The following ADK variants were observed in gnomAD, a reference collection of about 807,000 sequenced individuals.
The protein encoded by ADK is N6,N6-dimethyladenosine kinase.
A neutral mutation model predicts 44.7 loss-of-function variants in ADK; 24 were observed. The ratio of observed to expected loss-of-function variants is 0.54; its 90% confidence interval spans 0.39 to 0.76. The LOEUF (loss-of-function observed/expected upper bound fraction) is 0.76. ADK is among the 30% of genes least tolerant of loss of function. The pLI is 0.00. For missense variants in ADK, 321 were observed against 425.1 expected, an observed-to-expected ratio of 0.76 and a Z score of 2.15; for synonymous variants, 128 against 142.6, an observed-to-expected ratio of 0.90 and a Z score of 0.73.
chr10:74,661,537 A>G (rs1022256414), intron 9 of ADK, among the ~76,000 whole-genome samples: 1 of 152,144 alleles, frequency 6.6e-6, no homozygotes, highest in African/African-American at 2.4e-5. Context: ...GTTGCATTCC[A>G]TTGCCTGATG....
chr10:74,587,486 A>G (rs970140590), intron 7 of ADK, among the ~76,000 whole-genome samples: 1 of 152,194 alleles, frequency 6.6e-6, no homozygotes, highest in Middle Eastern at 3.2e-3. Flanking sequence ...ATGGTTCTCT[A>G]ACCTATATGT....
At chr10:74,223,915 C>G (rs10824118) in intron 2 of ADK, among the ~76,000 whole-genome samples, 18,460 of 152,016 alleles carry the variant, frequency 0.12, 1,152 homozygotes, top group Middle Eastern at 0.21. Flanking sequence ...ATGTTAAAAC[C>G]CCTTCTCTAC....
chr10:74,226,181 C>T (rs543938032), intron 3 of ADK, among the ~76,000 whole-genome samples: 1 of 152,076 alleles, frequency 6.6e-6, no homozygotes, highest in South Asian at 2.1e-4. Context: ...GATCTTGGCT[C>T]ACTGCAACCT....
At chr10:74,345,538 C>A (rs904429060) in intron 4 of ADK, among the ~76,000 whole-genome samples, 6 of 152,156 alleles carry the variant, frequency 3.9e-5, no homozygotes, top group African/African-American at 1.4e-4. Flanking sequence ...GAACTCCTGG[C>A]TCAAAGTGAA....
intron 6 of ADK, among the ~76,000 whole-genome samples, chr10:74,515,855 C>A (rs1478939072): frequency 1.3e-5 from 2 of 152,070 alleles, no homozygotes; most frequent in Non-Finnish European, 2.9e-5. Context: ...TCTTGCTGTG[C>A]AAGACCAGAA....
intron 7 of ADK, among the ~76,000 whole-genome samples, chr10:74,534,211 A>G (rs191599020): frequency 6.6e-6 from 1 of 152,202 alleles, no homozygotes; most frequent in African/African-American, 2.4e-5. Flanking sequence ...TACTTTATAC[A>G]TACGTCAAGT....
chr10:74,562,488 C>T (rs1850499280), intron 7 of ADK, among the ~76,000 whole-genome samples: 1 of 152,164 alleles, frequency 6.6e-6, no homozygotes, highest in South Asian at 2.1e-4. Flanking sequence ...TAGCAGTTTA[C>T]ATATTTCCTT....
intron 9 of ADK, chr10:74,656,174 C>T: frequency 3.6e-6 from 1 of 275,756 alleles, no homozygotes; most frequent in Admixed American, 3.9e-5. Flanking sequence ...GCTGTCTGCT[C>T]CAGACATTTT....
chr10:74,170,020 A>T (rs1842117956), intron 1 of ADK, among the ~76,000 whole-genome samples: 1 of 152,208 alleles, frequency 6.6e-6, no homozygotes, highest in Non-Finnish European at 1.5e-5. Flanking sequence ...CAGGCCCCTG[A>T]CCTTTACATG....
Position 74,324,453 on chromosome 10 carries a change from T to G in ADK, c.273+9708T>G, listed in dbSNP as rs940152575. 1.1e-4 allele frequency among the ~76,000 whole-genome samples: 17 copies of G among 152,232 alleles called. 1 individual carries two copies. Among genetic ancestry groups the G allele is most frequent in the Admixed American group, 1.0e-3 (16 of 15,284 alleles). On this transcript the variant is annotated intron_variant, in intron 4 of 10. Coordinates refer to ENST00000539909, the MANE Select transcript of ADK (RefSeq NM_006721.4). ...TAAACACCATTTTACTTTCTCCTTC[T>G]ATGAGATCAGCTTTGTTATAGTTCA... is the stretch of plus-strand genomic sequence containing the variant.
intron 1 of ADK, among the ~76,000 whole-genome samples, chr10:74,199,679 TTTC>T (rs112231138): frequency 6.6e-6 from 1 of 152,142 alleles, no homozygotes; most frequent in African/African-American, 2.4e-5. Flanking sequence ...ATTCATTTTT[TTTC>T]ATTTTTTTTA....
chr10:74,345,691 G>A (rs184651754), intron 4 of ADK, among the ~76,000 whole-genome samples: 4 of 152,186 alleles, frequency 2.6e-5, no homozygotes, highest in African/African-American at 9.6e-5. Flanking sequence ...CCACATAACT[G>A]TCTTTTATGT....
Position 74,295,556 on chromosome 10 carries a change from A to G in ADK, c.195-19111A>G, listed in dbSNP as rs1308082388. On this transcript the variant is annotated intron_variant, in intron 3 of 10. Coordinates refer to ENST00000539909, the MANE Select transcript of ADK (RefSeq NM_006721.4). The stretch of plus-strand genomic sequence containing the variant: ...TATGTCTTTTTGGACTTGTTCTTTC[A>G]TTCTTTAAATGGTGTCTTTGATGAA... 3.3e-5 allele frequency among the ~76,000 whole-genome samples: 5 copies of G among 151,966 alleles called. No individual in the cohort carries two copies. The East Asian group carries it at 9.7e-4, about 29-fold the overall frequency.
At chr10:74,217,233 G>A (rs189235270) in intron 2 of ADK, among the ~76,000 whole-genome samples, 1 of 152,238 alleles carries the variant, frequency 6.6e-6, no homozygotes, top group Admixed American at 6.5e-5. Context: ...CACCTGGCTC[G>A]GAGGGTCCTA....
intron 4 of ADK, among the ~76,000 whole-genome samples, chr10:74,334,149 CT>C (rs1254457851): frequency 6.6e-6 from 1 of 152,122 alleles, no homozygotes; most frequent in African/African-American, 2.4e-5. Context: ...CCTGTGTCCC[CT>C]TTGTAGTCTT....
intron 3 of ADK, among the ~76,000 whole-genome samples, chr10:74,235,882 G>C (rs1844940518): frequency 6.6e-6 from 1 of 152,160 alleles, no homozygotes; most frequent in African/African-American, 2.4e-5. Context: ...TTATCTCTTA[G>C]AGGGTTGTTA....
chr10:74,215,665 C>CTTT (rs35998695), intron 2 of ADK, among the ~76,000 whole-genome samples: 24 of 129,278 alleles, frequency 1.9e-4, no homozygotes, highest in African/African-American at 3.2e-4. Context: ...ATAAATCACT[C>CTTT]TTTTTTTTTT....
At chr10:74,600,664 T>A (rs887305638) in intron 9 of ADK, among the ~76,000 whole-genome samples, 171 bp downstream of exon 9, 2 of 151,626 alleles carry the variant, frequency 1.3e-5, no homozygotes, top group Non-Finnish European at 2.9e-5. Flanking sequence ...TAGAAAAGAT[T>A]TCATGTTCAA....
intron 2 of ADK, among the ~76,000 whole-genome samples, chr10:74,213,155 TG>T (rs1040491182): frequency 2.0e-5 from 3 of 152,170 alleles, no homozygotes; most frequent in Non-Finnish European, 2.9e-5. Context: ...TTGCCCAGTC[TG>T]GAGTGCAGTG....
Sources: allele counts gnomAD v4.1 joint callset (sites outside exome capture counted in the v4.1 genomes callset), GRCh38; gene constraint gnomAD v4.1.1; transcripts MANE v1.5; gene names NCBI Gene and HGNC (gene_info 2026-07-23, HGNC 2026-07-21).